The following DMD variants were observed in gnomAD, a reference collection of about 807,000 sequenced individuals.
DMD encodes the protein dystrophin.
In DMD, 63 loss-of-function variants were observed where a neutral mutation model predicts 330.1. That is an observed-to-expected ratio of 0.19 (90% CI 0.16 to 0.24). DMD has a LOEUF of 0.24. DMD is among the 10% of genes least tolerant of loss of function. DMD has a pLI of 1.00. For missense variants in DMD, 3,344 were observed against 2,684.1 expected (o/e 1.25, Z -5.43); for synonymous variants, 1,223 against 959.8 (o/e 1.27, Z -5.07).
chrX:31,895,001 C>G, intron 47 of DMD, among the ~76,000 whole-genome samples: 1 of 111,812 alleles, frequency 8.9e-6, no homozygotes. Context: ...TTATTTAGGG[C>G]CTTTTATATG....
chrX:31,687,760 T>C (rs770339739), intron 52 of DMD, among the ~76,000 whole-genome samples: 29 of 112,287 alleles, frequency 2.6e-4, no homozygotes, highest in South Asian at 1.1e-3. Context: ...GCCAGATGTA[T>C]TGAAGCTCCA....
Position 32,644,999 on chromosome X carries a change from C to T in DMD, c.1114G>A (p.Val372Met), listed in dbSNP as rs747254030. The change falls in exon 10 of 79, where the codon GTG (valine) becomes ATG (methionine). Residue 372 changes from valine to methionine, a missense_variant. Val to Met is a conservative substitution (Grantham distance 21). Transcript: ENST00000357033. ...TGAAACTGGTCTTTCACCACTTCCA[C>T]ATCATTAGAAATCTCTCCTTGTGCT... is the stretch of plus-strand genomic sequence containing the variant. ...LQAQGEISND[V>M]EVVKDQFHTH... 5.0e-6 allele frequency: 6 copies of T among 1,209,864 alleles called. No individual in the cohort carries two copies. In the African/African-American group the frequency reaches 7.0e-5, roughly 14 times the overall value.
intron 6 of DMD, among the ~76,000 whole-genome samples, chrX:32,816,256 A>G (rs1323705262): frequency 8.9e-6 from 1 of 112,051 alleles, no homozygotes; most frequent in Admixed American, 9.5e-5. Context: ...CGCTAATGTT[A>G]ATGTTTCAAC....
intron 34 of DMD, among the ~76,000 whole-genome samples, chrX:32,375,231 GA>G (rs201533817): frequency 6.2e-4 from 67 of 108,214 alleles, no homozygotes; most frequent in African/African-American, 2.1e-3. Context: ...AGATAATAAA[GA>G]AAAAAAAAGC....
chrX:32,651,091 T>G (rs188192869), intron 9 of DMD, among the ~76,000 whole-genome samples: 2 of 111,140 alleles, frequency 1.8e-5, no homozygotes, highest in East Asian at 5.6e-4. Flanking sequence ...ATGAAGAAAA[T>G]GAATTAAGAG....
chrX:32,210,895 C>A (rs992552908), intron 44 of DMD, among the ~76,000 whole-genome samples: 2 of 111,641 alleles, frequency 1.8e-5, no homozygotes, highest in Admixed American at 1.9e-4. Flanking sequence ...TTTTCATGGA[C>A]TCGCTTGTCT....
chrX:32,402,843 A>T (rs1227053441), intron 30 of DMD, among the ~76,000 whole-genome samples: 1 of 111,602 alleles, frequency 9.0e-6, no homozygotes, highest in African/African-American at 3.3e-5. Flanking sequence ...TATTATGGTA[A>T]ACGTAAGTGG....
intron 78 of DMD, among the ~76,000 whole-genome samples, chrX:31,122,492 C>CTGT (rs1168185895): frequency 9.0e-6 from 1 of 111,498 alleles, no homozygotes; most frequent in East Asian, 2.8e-4. Context: ...CTGTTTCAGG[C>CTGT]TGTTGGCTTG....
At position 32,818,083 on chromosome X, in the gene DMD, C is replaced by T. The variant is rs1307221471; in HGVS notation, c.358-1443G>A. The stretch of plus-strand genomic sequence containing the variant: ...TATTCTAAAATTATAAATTGCTCAA[C>T]CTTTATGTACAGTGACTGCAGGAGG... On this transcript the variant is annotated intron_variant, in intron 5 of 78. Coordinates refer to ENST00000357033, the MANE Select transcript of DMD (RefSeq NM_004006.3). Among the ~76,000 whole-genome samples the T allele has an allele frequency of 1.1e-4, 12 of 111,777 alleles. No individual in the cohort carries two copies. The South Asian group carries it at 2.2e-3, about 21-fold the overall frequency.
At chrX:33,068,362 C>G (rs1421361713) in intron 1 of DMD, among the ~76,000 whole-genome samples, 1 of 112,005 alleles carries the variant, frequency 8.9e-6, no homozygotes, top group African/African-American at 3.2e-5. Flanking sequence ...CCCAGTGAGT[C>G]TAACAGCCAG....
At chrX:32,422,014 T>C (rs12013155) in intron 29 of DMD, among the ~76,000 whole-genome samples, 2,588 of 111,591 alleles carry the variant, frequency 0.023, 80 homozygotes, top group African/African-American at 0.081. Flanking sequence ...GCGTTCATTC[T>C]ACTTCAGCAG....
At chrX:32,421,730 G>T (rs761369135) in intron 29 of DMD, among the ~76,000 whole-genome samples, 1 of 111,800 alleles carries the variant, frequency 8.9e-6, no homozygotes, top group African/African-American at 3.3e-5. Flanking sequence ...GAAACCCATC[G>T]TGCTGGAATT....
At chrX:32,514,451 T>C (rs2045645208) in intron 18 of DMD, among the ~76,000 whole-genome samples, 1 of 112,005 alleles carries the variant, frequency 8.9e-6, no homozygotes, top group African/African-American at 3.2e-5. Context: ...TGTTAAAATA[T>C]GTTGTTAGTG....
chrX:32,199,357 G>C (rs1246145529), intron 44 of DMD, among the ~76,000 whole-genome samples: 2 of 111,355 alleles, frequency 1.8e-5, no homozygotes, highest in African/African-American at 6.5e-5. Context: ...TGACAGTTTT[G>C]AACACTCCCT....
chrX:32,220,002 A>T (rs1055509806), intron 43 of DMD, among the ~76,000 whole-genome samples: 1 of 111,221 alleles, frequency 9.0e-6, no homozygotes, highest in Non-Finnish European at 1.9e-5. Flanking sequence ...AGAGAAGAAA[A>T]CCGTAAGGGT....
intron 12 of DMD, among the ~76,000 whole-genome samples, chrX:32,609,225 C>A (rs1344351828): frequency 9.0e-6 from 1 of 110,519 alleles, no homozygotes; most frequent in African/African-American, 3.3e-5. Context: ...TCAGCAATAT[C>A]CTCTTAACAT....
chrX:31,392,635 T>G (rs1455963411), intron 60 of DMD, among the ~76,000 whole-genome samples: 4 of 112,308 alleles, frequency 3.6e-5, no homozygotes, highest in African/African-American at 1.3e-4. Flanking sequence ...ACATGCACAC[T>G]GGAGAGAAAG....
At chrX:31,991,002 G>C (rs2095546229) in intron 44 of DMD, among the ~76,000 whole-genome samples, 1 of 111,629 alleles carries the variant, frequency 9.0e-6, no homozygotes, top group Non-Finnish European at 1.9e-5. Flanking sequence ...ACAAACAAAA[G>C]GTCTACAAAA....
chrX:32,920,418 T>C (rs1331687199), intron 2 of DMD, among the ~76,000 whole-genome samples: 1 of 111,530 alleles, frequency 9.0e-6, no homozygotes, highest in African/African-American at 3.3e-5. Context: ...TTGCAGTAAA[T>C]TGTGAATAAA....
Sources: gnomAD v4.1 joint callset for allele counts (sites outside exome capture counted in the v4.1 genomes callset) on GRCh38, gnomAD v4.1.1 for gene constraint, MANE v1.5 for transcripts, NCBI Gene and HGNC (gene_info 2026-07-23, HGNC 2026-07-21) for gene names.